FAM163A: variants seen among roughly 807,000 people sequenced by gnomAD.
FAM163A encodes the protein family with sequence similarity 163 member A, also known as protein FAM163A.
Under a neutral mutation model 12.0 loss-of-function variants are expected in FAM163A, and 7 were observed. The observed-to-expected ratio is 0.58, with a 90% CI of 0.33 to 1.10. The LOEUF is 1.10. Ranked by LOEUF, FAM163A falls within the 50% of genes least tolerant of loss-of-function variation. The pLI, the probability that FAM163A is intolerant of heterozygous loss-of-function variation, is 0.03. For synonymous variants in FAM163A, 101 were observed against 91.0 expected (o/e 1.11, Z -0.62); for missense variants, 202 against 218.6 (o/e 0.92, Z 0.48).
intron 1 of FAM163A, among the ~76,000 whole-genome samples, chr1:179,766,754 T>A (rs1034168014): frequency 2.0e-4 from 20 of 101,892 alleles, no homozygotes; most frequent in African/African-American, 5.5e-4. Flanking sequence ...CTTTTCTTTC[T>A]TTTTTTTTTT....
rs56872344 is a variant in FAM163A at position 179,795,958 on chromosome 1, C to CTATTAT, written c.-135-11823_-135-11818dup. Reference sequence around the variant, plus strand: ...TAGATCCTATGACAGGAGTCTTTCTCTATTATTATTATTATTATTATTTTA... The same window carrying CTATTAT: ...TAGATCCTATGACAGGAGTCTTTCTCTATTATTATTATTATTATTATTATTATTTTA... On this transcript the variant is annotated intron_variant, in intron 1 of 4. Coordinates refer to ENST00000341785, the MANE Select transcript of FAM163A (RefSeq NM_173509.3). Among the ~76,000 whole-genome samples the CTATTAT allele has an allele frequency of 2.2e-4, 32 of 146,382 alleles. 1 individual carries two copies. Among genetic ancestry groups the CTATTAT allele is most frequent in the African/African-American group, 4.9e-4 (19 of 38,732 alleles).
chr1:179,808,003 TA>T (rs1694191922), intron 2 of FAM163A, 115 bp downstream of exon 2: 1 of 152,356 alleles, frequency 6.6e-6, no homozygotes, highest in Admixed American at 6.5e-5. Context: ...TAGGATTCTT[TA>T]GTGGACAGCA....
At chr1:179,812,519 G>A (rs755404597) in intron 3 of FAM163A, among the ~76,000 whole-genome samples, 19 of 152,194 alleles carry the variant, frequency 1.2e-4, no homozygotes, top group Non-Finnish European at 2.2e-4. Flanking sequence ...CCGCCAGCCC[G>A]GGCCAAAGGC....
chr1:179,754,152 A>T (rs555921395), intron 1 of FAM163A, among the ~76,000 whole-genome samples: 1 of 152,148 alleles, frequency 6.6e-6, no homozygotes, highest in African/African-American at 2.4e-5. Flanking sequence ...AAGCACTTGG[A>T]AGCCTTTCCA....
intron 1 of FAM163A, among the ~76,000 whole-genome samples, chr1:179,794,127 C>T (rs1484906438): frequency 3.3e-5 from 5 of 152,224 alleles, no homozygotes. Context: ...TCTTGGCCAC[C>T]TTGTGCCTCT....
chr1:179,761,072 G>A (rs1174764556), intron 1 of FAM163A, among the ~76,000 whole-genome samples: 3 of 151,572 alleles, frequency 2.0e-5, no homozygotes, highest in Admixed American at 1.3e-4. Context: ...CAAACCAGTA[G>A]CCATTTAAAT....
At position 179,769,465 on chromosome 1, in the gene FAM163A, A is replaced by T. The variant is rs79278672; in HGVS notation, c.-136+26042A>T. 9.6e-3 allele frequency among the ~76,000 whole-genome samples: 1,456 copies of T among 152,270 alleles called. 19 individuals are homozygous for T. Among genetic ancestry groups the T allele is most frequent in the African/African-American group, 0.033 (1,383 of 41,552 alleles). ...AAAATAAAAATGTTTGAATCTTAAA[A>T]AACTCTTTTCATCTTACATTTGGAT... On this transcript the variant is annotated intron_variant, in intron 1 of 4. Transcript: ENST00000341785.
Position 179,813,990 on chromosome 1 carries a change from G to GC in FAM163A, c.306dup (p.Ser103LeufsTer9). 1 of 1,613,554 alleles carries GC rather than the reference G, an allele frequency of 6.2e-7. No individual in the cohort carries two copies. The highest frequency in any genetic ancestry group is 1.1e-5 in the South Asian group (1 of 91,028). ...CACTGCACTACCTGCTCCCCATACA[G>GC]CTCCCCCTTTTACATACGGACGGCT... On this transcript the variant is annotated frameshift_variant, in exon 5 of 5. Coordinates refer to ENST00000341785, the MANE Select transcript of FAM163A (RefSeq NM_173509.3). LOFTEE classifies it high-confidence loss of function.
intron 1 of FAM163A, among the ~76,000 whole-genome samples, chr1:179,777,907 C>T (rs1022191659): frequency 1.3e-5 from 2 of 152,196 alleles, no homozygotes; most frequent in African/African-American, 4.8e-5. Flanking sequence ...TGCAGACCAA[C>T]CTCATGACTG....
intron 1 of FAM163A, among the ~76,000 whole-genome samples, chr1:179,775,627 G>T (rs936908655): frequency 6.6e-6 from 1 of 152,154 alleles, no homozygotes; most frequent in African/African-American, 2.4e-5. Flanking sequence ...AGCCTTGCTT[G>T]TTTTGTCTAA....
chr1:179,743,795 A>G (rs1213498519), intron 1 of FAM163A, among the ~76,000 whole-genome samples: 2 of 152,126 alleles, frequency 1.3e-5, no homozygotes, highest in Non-Finnish European at 2.9e-5. Flanking sequence ...GCCGTGCCGA[A>G]GGCGCTCTAC....
chr1:179,790,291 C>G (rs72708636), intron 1 of FAM163A, among the ~76,000 whole-genome samples: 22,363 of 123,886 alleles, frequency 0.18, 2,746 homozygotes, highest in African/African-American at 0.38. Context: ...GGTTTTTTGT[C>G]AACTTTCTCA....
intron 1 of FAM163A, among the ~76,000 whole-genome samples, chr1:179,747,131 A>G (rs1001664574): frequency 6.6e-5 from 10 of 151,146 alleles, no homozygotes; most frequent in Non-Finnish European, 7.4e-5. Context: ...CTGGTGTTGC[A>G]TTTGGACCTC....
chr1:179,788,553 G>C (rs560543264), intron 1 of FAM163A, among the ~76,000 whole-genome samples: 1 of 152,158 alleles, frequency 6.6e-6, no homozygotes, highest in Non-Finnish European at 1.5e-5. Context: ...GAGCTTTCGG[G>C]TTTGCGGATC....
At chr1:179,788,721 A>T (rs756968986) in intron 1 of FAM163A, among the ~76,000 whole-genome samples, 2 of 152,184 alleles carry the variant, frequency 1.3e-5, no homozygotes, top group Non-Finnish European at 2.9e-5. Context: ...GTATGGCATT[A>T]TGCAGGAATA....
intron 1 of FAM163A, among the ~76,000 whole-genome samples, chr1:179,795,183 C>T (rs1300515162): frequency 1.3e-5 from 2 of 152,194 alleles, no homozygotes; most frequent in East Asian, 3.9e-4. Context: ...CATTATAAAA[C>T]AGCCGGGCAT....
rs1006079260 is a variant in FAM163A, at chr1:179,814,350, C to G, written c.*161C>G. The G allele has an allele frequency of 1.0e-6, 1 of 967,360 alleles. No individual in the cohort carries two copies. 59.9% of individuals were successfully genotyped at this position (967,360 alleles called of 1,614,324 possible). A position where few individuals can be genotyped will look rare whatever the true frequency, so the allele number is the denominator to read the frequency against. ...TTACTAGGATTTAAGCTTTTGAGTGCATTGAGAACCAAGACAGGGCCTGGC... is the reference window on the plus strand; with the variant it reads ...TTACTAGGATTTAAGCTTTTGAGTGGATTGAGAACCAAGACAGGGCCTGGC... On this transcript the variant is annotated 3_prime_UTR_variant, in exon 5 of 5. Coordinates refer to ENST00000341785, the MANE Select transcript of FAM163A (RefSeq NM_173509.3).
chr1:179,745,005 A>AGAACCTGAAAGAGGTG (rs1488587672), intron 1 of FAM163A, among the ~76,000 whole-genome samples: 3 of 152,234 alleles, frequency 2.0e-5, no homozygotes, highest in Non-Finnish European at 4.4e-5. Flanking sequence ...ACAGACGTTC[A>AGAACCTGAAAGAGGTG]GACCCTGAAA....
intron 1 of FAM163A, among the ~76,000 whole-genome samples, chr1:179,790,256 T>C (rs1378071017): frequency 1.4e-5 from 2 of 141,202 alleles, no homozygotes; most frequent in East Asian, 2.0e-4. Context: ...GCTGCTGTTA[T>C]GGGCTTGCCA....
Sources: gnomAD v4.1 joint callset for allele counts (sites outside exome capture counted in the v4.1 genomes callset) on GRCh38, gnomAD v4.1.1 for gene constraint, MANE v1.5 for transcripts, NCBI Gene and HGNC (gene_info 2026-07-23, HGNC 2026-07-21) for gene names.